The following CADPS2 variants were observed in gnomAD, a reference collection of about 807,000 sequenced individuals.
CADPS2 encodes calcium dependent secretion activator 2, also known as calcium-dependent secretion activator 2.
In CADPS2, 93 loss-of-function variants were observed where a neutral mutation model predicts 172.5. That is an observed-to-expected ratio of 0.54 (90% confidence interval 0.46 to 0.64). CADPS2 has a LOEUF of 0.64. Among genes scored for constraint, CADPS2 ranks in the 30% least tolerant of loss-of-function variants. The pLI, the probability that CADPS2 is intolerant of heterozygous loss-of-function variation, is 0.00. For missense variants in CADPS2, 1,420 were observed against 1,565.9 expected, an observed-to-expected ratio of 0.91 and a Z score of 1.57; for synonymous variants, 546 against 555.2, an observed-to-expected ratio of 0.98 and a Z score of 0.23.
chr7:122,470,861 T>A (rs1182555804), intron 14 of CADPS2, among the ~76,000 whole-genome samples: 1 of 152,166 alleles, frequency 6.6e-6, no homozygotes, highest in African/African-American at 2.4e-5. Flanking sequence ...GGAATTTTTA[T>A]GGCATCTTGG....
At chr7:122,730,340 T>C (rs1452458558) in intron 2 of CADPS2, among the ~76,000 whole-genome samples, 1 of 151,786 alleles carries the variant, frequency 6.6e-6, no homozygotes, top group East Asian at 1.9e-4. Context: ...TATATGGTTA[T>C]GGTAGAAAAA....
chr7:122,676,538 C>T (rs1968147), intron 2 of CADPS2: 79,114 of 554,516 alleles, frequency 0.14, 6,132 homozygotes, highest in Non-Finnish European at 0.16. Context: ...TATGTTCAAG[C>T]AGCAGTTGGA....
intron 6 of CADPS2, among the ~76,000 whole-genome samples, chr7:122,592,675 A>C (rs1385602013): frequency 1.3e-5 from 2 of 152,160 alleles, no homozygotes; most frequent in African/African-American, 4.8e-5. Context: ...GGATGAGTTC[A>C]TGTCCTTTAT....
rs1491327869 is a variant in CADPS2, at chr7:122,708,487, T to TA, written c.453+28467_453+28468insT. 6.9e-3 allele frequency among the ~76,000 whole-genome samples: 863 copies of TA among 125,708 alleles called. 6 individuals carry two copies. The highest frequency in any genetic ancestry group is 0.01 in the African/African-American group (336 of 33,030). 82.5% of individuals were successfully genotyped at this position (125,708 alleles called of 152,430 possible). On this transcript the variant is annotated intron_variant, in intron 2 of 29. Transcript: ENST00000449022. ...ATATATATATATATATATATATATA[T>TA]TGGATATGTAGATCCAAACATATTG...
At chr7:122,808,461 C>T (rs183429025) in intron 1 of CADPS2, among the ~76,000 whole-genome samples, 9 of 152,304 alleles carry the variant, frequency 5.9e-5, no homozygotes, top group African/African-American at 2.2e-4. Context: ...AACATTAATA[C>T]ACAAGATAAC....
At chr7:122,620,297 A>G (rs2075437676) in intron 5 of CADPS2, among the ~76,000 whole-genome samples, 2 of 152,200 alleles carry the variant, frequency 1.3e-5, no homozygotes, top group African/African-American at 2.4e-5. Flanking sequence ...CGGAATAAAA[A>G]TCATGGGGAG....
At chr7:122,388,072 C>G (rs1008800286) in intron 23 of CADPS2, among the ~76,000 whole-genome samples, 3 of 151,980 alleles carry the variant, frequency 2.0e-5, no homozygotes, top group Non-Finnish European at 4.4e-5. Flanking sequence ...AATATGAAGC[C>G]TCATAACTTA....
intron 1 of CADPS2, among the ~76,000 whole-genome samples, chr7:122,746,709 A>T (rs951011573): frequency 2.0e-5 from 3 of 152,096 alleles, no homozygotes; most frequent in African/African-American, 7.2e-5. Context: ...ATTGAAAGTC[A>T]TCCTGGGCTG....
At chr7:122,366,221 T>A (rs1319648878) in intron 25 of CADPS2, among the ~76,000 whole-genome samples, 1 of 151,694 alleles carries the variant, frequency 6.6e-6, no homozygotes, top group African/African-American at 2.4e-5. Flanking sequence ...AACATATTCT[T>A]AAAAAATGTG....
At position 122,707,469 on chromosome 7, in the gene CADPS2, C is replaced by G. The variant is rs535226756; in HGVS notation, c.453+29486G>C. 3.9e-5 allele frequency among the ~76,000 whole-genome samples: 6 copies of G among 152,028 alleles called. No individual in the cohort carries two copies. In the South Asian group the frequency reaches 1.2e-3, roughly 32 times the overall value. On this transcript the variant is annotated intron_variant, in intron 2 of 29. Transcript: ENST00000449022. Reference sequence around the variant, plus strand: ...AAATCTCTACTCCAATAAAGCAAAACAGATAAATACAATCACATTGCACTG... The same window carrying G: ...AAATCTCTACTCCAATAAAGCAAAAGAGATAAATACAATCACATTGCACTG...
At chr7:122,325,214 T>G (rs2150730172) in intron 29 of CADPS2, among the ~76,000 whole-genome samples, 1 of 152,262 alleles carries the variant, frequency 6.6e-6, no homozygotes, top group East Asian at 1.9e-4. Flanking sequence ...GTGAACCTAC[T>G]TCCTTCAGGT....
At chr7:122,782,624 A>G (rs1793030752) in intron 1 of CADPS2, among the ~76,000 whole-genome samples, 1 of 152,222 alleles carries the variant, frequency 6.6e-6, no homozygotes, top group Non-Finnish European at 1.5e-5. Flanking sequence ...AACAACAACA[A>G]CAACAACAAA....
chr7:122,767,253 A>AT (rs900440196), intron 1 of CADPS2, among the ~76,000 whole-genome samples: 1 of 152,094 alleles, frequency 6.6e-6, no homozygotes, highest in Non-Finnish European at 1.5e-5. Context: ...ACTAAAAAGC[A>AT]TTTTTTTCCT....
chr7:122,713,939 T>C (rs1330165467), intron 2 of CADPS2, among the ~76,000 whole-genome samples: 3 of 152,114 alleles, frequency 2.0e-5, no homozygotes, highest in Non-Finnish European at 4.4e-5. Flanking sequence ...AGCTTTTCAT[T>C]AGCTCTGCTG....
chr7:122,354,065 G>A (rs1490873835), intron 27 of CADPS2, among the ~76,000 whole-genome samples: 4 of 151,930 alleles, frequency 2.6e-5, no homozygotes, highest in Non-Finnish European at 4.4e-5. Flanking sequence ...TTCTATAGGA[G>A]GAAGTAAAGT....
chr7:122,872,225 T>C (rs948308817), intron 1 of CADPS2, among the ~76,000 whole-genome samples: 1 of 152,104 alleles, frequency 6.6e-6, no homozygotes, highest in Non-Finnish European at 1.5e-5. Flanking sequence ...GTTCAAAGCC[T>C]AGGACTCTAA....
intron 24 of CADPS2, among the ~76,000 whole-genome samples, chr7:122,382,941 C>G (rs1194911488): frequency 6.6e-6 from 1 of 152,092 alleles, no homozygotes; most frequent in Admixed American, 6.6e-5. Flanking sequence ...TTTGAATCAG[C>G]AATCCCATTA....
At chr7:122,868,855 A>G (rs1818981181) in intron 1 of CADPS2, among the ~76,000 whole-genome samples, 1 of 152,194 alleles carries the variant, frequency 6.6e-6, no homozygotes, top group South Asian at 2.1e-4. Flanking sequence ...GAGATAGAAC[A>G]TATTAAAAAC....
chr7:122,366,318 G>A (rs1221488517), intron 25 of CADPS2, among the ~76,000 whole-genome samples: 1 of 151,046 alleles, frequency 6.6e-6, no homozygotes, highest in Non-Finnish European at 1.5e-5. Flanking sequence ...AAAATAATAC[G>A]AGGCGGCCAG....
Sources: gnomAD v4.1 joint callset for allele counts (sites outside exome capture counted in the v4.1 genomes callset) on GRCh38, gnomAD v4.1.1 for gene constraint, MANE v1.5 for transcripts, NCBI Gene and HGNC (gene_info 2026-07-23, HGNC 2026-07-21) for gene names.